Variants in PTBP2 observed in about 807,000 individuals in gnomAD.
PTBP2 encodes the protein polypyrimidine tract binding protein 2.
In PTBP2, 13 loss-of-function variants were observed where a neutral mutation model predicts 61.4. The observed-to-expected ratio is 0.21, with a 90% CI of 0.14 to 0.34. PTBP2 has a LOEUF of 0.34. Ranked by LOEUF, PTBP2 falls within the 10% of genes least tolerant of loss-of-function variation. PTBP2 has a pLI of 1.00. For synonymous variants in PTBP2, 215 were observed against 218.5 expected, an observed-to-expected ratio of 0.98 and a Z score of 0.14; for missense variants, 405 against 642.6, an observed-to-expected ratio of 0.63 and a Z score of 4.00.
At chr1:96,765,030 C>G (rs1358336468) in intron 3 of PTBP2, among the ~76,000 whole-genome samples, 2 of 152,190 alleles carry the variant, frequency 1.3e-5, no homozygotes, top group Non-Finnish European at 2.9e-5. Context: ...CTATCTGCAC[C>G]TACCTGCTTT....
intron 3 of PTBP2, among the ~76,000 whole-genome samples, chr1:96,759,374 T>G (rs1051760195): frequency 2.3e-4 from 35 of 152,242 alleles, no homozygotes; most frequent in African/African-American, 8.2e-4. Context: ...CAAAACAGTT[T>G]ACTACTAGCA....
At chr1:96,780,669 C>A (rs897329539) in intron 7 of PTBP2, among the ~76,000 whole-genome samples, 3 of 150,844 alleles carry the variant, frequency 2.0e-5, no homozygotes, top group Non-Finnish European at 4.4e-5. Flanking sequence ...AACTCCCCTT[C>A]TACCTGGGAG....
chr1:96,769,969 T>C, intron 4 of PTBP2, 94 bp downstream of exon 4: 1 of 1,046,154 alleles, frequency 9.6e-7, no homozygotes, highest in Non-Finnish European at 1.3e-6. Flanking sequence ...AGGTTATTTT[T>C]CTTAAAGAAC....
chr1:96,734,019 A>G (rs1245516787), intron 2 of PTBP2, among the ~76,000 whole-genome samples: 1 of 152,202 alleles, frequency 6.6e-6, no homozygotes, highest in Admixed American at 6.5e-5. Context: ...ATTTAGTTCT[A>G]GGCATACTAC....
At chr1:96,775,985 G>A (rs1657992100) in intron 5 of PTBP2, among the ~76,000 whole-genome samples, 1 of 151,992 alleles carries the variant, frequency 6.6e-6, no homozygotes, top group South Asian at 2.1e-4. Flanking sequence ...GCTTGTAGAT[G>A]TAGCTAGTAT....
intron 3 of PTBP2, among the ~76,000 whole-genome samples, chr1:96,758,644 A>C (rs553917787): frequency 4.6e-5 from 7 of 152,260 alleles, no homozygotes; most frequent in Non-Finnish European, 1.0e-4. Flanking sequence ...TTCTCTCAGA[A>C]AACTAGGAAG....
intron 2 of PTBP2, chr1:96,749,491 T>A (rs1177532650): frequency 5.2e-5 from 17 of 328,228 alleles, no homozygotes; most frequent in South Asian, 3.7e-4. Flanking sequence ...AGTAAAACTT[T>A]AAGCATCACT....
chr1:96,812,899 T>C lies in PTBP2; in HGVS notation c.1359T>C (p.Pro453=). 6.2e-7 allele frequency: 1 copy of C among 1,613,668 alleles called. No homozygotes were observed. Among genetic ancestry groups the C allele is most frequent in the Non-Finnish European group, 8.5e-7 (1 of 1,179,632 alleles). ...AAAATTTTCAAAACATTTTTCCTCC[T>C]TCTGCCACCCTTCACCTATCTAATA... ...GSKNFQNIFP[P]SATLHLSNIP... The change falls in exon 12 of 14, where the codon CCT becomes CCC. Residue 453 remains proline (P), a synonymous_variant. Transcript: ENST00000674951.
chr1:96,745,360 C>CA (rs1483394212), intron 2 of PTBP2, among the ~76,000 whole-genome samples: 4 of 152,202 alleles, frequency 2.6e-5, no homozygotes, highest in Non-Finnish European at 5.9e-5. Flanking sequence ...GACGGGGTTT[C>CA]ACCCTGTTAG....
At chr1:96,791,922 C>T (rs1659882745) in intron 8 of PTBP2, among the ~76,000 whole-genome samples, 3 of 148,170 alleles carry the variant, frequency 2.0e-5, no homozygotes. Context: ...CAAGCTCCGC[C>T]TCCTGGGTTC....
At chr1:96,769,911 C>G (rs1471239563) in intron 4 of PTBP2, 36 bp downstream of exon 4, 1 of 1,470,978 alleles carries the variant, frequency 6.8e-7, no homozygotes, top group Non-Finnish European at 9.1e-7. Flanking sequence ...ATGTTAAACC[C>G]CAAACTATCC....
chr1:96,803,693 C>G (rs2101185631), intron 8 of PTBP2, among the ~76,000 whole-genome samples: 1 of 152,116 alleles, frequency 6.6e-6, no homozygotes, highest in South Asian at 2.1e-4. Flanking sequence ...AGTAAGATCT[C>G]TAAAACCAAA....
chr1:96,785,832 T>G (rs1375131331), intron 8 of PTBP2, among the ~76,000 whole-genome samples: 1 of 152,214 alleles, frequency 6.6e-6, no homozygotes, highest in African/African-American at 2.4e-5. Flanking sequence ...CATTTATATT[T>G]TACTTTGTAC....
chr1:96,744,652 T>C (rs936813720), intron 2 of PTBP2, among the ~76,000 whole-genome samples: 2 of 152,174 alleles, frequency 1.3e-5, no homozygotes, highest in African/African-American at 4.8e-5. Flanking sequence ...TTATCTTTCT[T>C]GTAGGTGATA....
intron 2 of PTBP2, among the ~76,000 whole-genome samples, chr1:96,737,430 G>A (rs1279943570): frequency 6.6e-6 from 1 of 152,054 alleles, no homozygotes; most frequent in African/African-American, 2.4e-5. Context: ...AATAATTGGG[G>A]AGGGGGGTTG....
chr1:96,737,065 T>C (rs576432053), intron 2 of PTBP2, among the ~76,000 whole-genome samples: 3 of 151,834 alleles, frequency 2.0e-5, no homozygotes, highest in South Asian at 2.1e-4. Flanking sequence ...CTGCAAGCTC[T>C]GCCTCCTGGG....
In PTBP2 at chr1:96,813,069, A is replaced by G; in HGVS notation, c.1429A>G (p.Asn477Asp). Residue 477 changes from asparagine (N) to aspartate (D), a missense_variant, in exon 13 of 14, where the codon AAC becomes GAC. Asn to Asp is a conservative substitution (Grantham distance 23, BLOSUM62 1). This residue lies in a region of PTBP2 where 24 missense variants were observed against 27.7 expected (regional missense o/e 0.87). Transcript: ENST00000674951. ...AGAGGATCTACGAACACTGTTCGCT[A>G]ACACTGGGGGCACTGTGAAAGCATT... ...AEEDLRTLFA[N>D]TGGTVKAFKF... The G allele has an allele frequency of 6.2e-7, 1 of 1,613,456 alleles. No individual in the cohort carries two copies. Among genetic ancestry groups the G allele is most frequent in the Non-Finnish European group, 8.5e-7 (1 of 1,179,540 alleles).
At chr1:96,733,338 A>G (rs746014370) in intron 2 of PTBP2, among the ~76,000 whole-genome samples, 2 of 152,166 alleles carry the variant, frequency 1.3e-5, no homozygotes, top group African/African-American at 2.4e-5. Flanking sequence ...AAATGTTTAA[A>G]TTACAAATTA....
exon 14 of PTBP2, chr1:96,823,216 C>T (rs539273254): frequency 6.6e-6 from 1 of 152,492 alleles, no homozygotes; most frequent in East Asian, 1.9e-4. Flanking sequence ...CTGCCTCAGC[C>T]TTCTAAAGTG....
Sources: allele counts gnomAD v4.1 joint callset (sites outside exome capture counted in the v4.1 genomes callset), GRCh38; gene constraint gnomAD v4.1.1; regional missense constraint gnomAD v4.1.1; transcripts MANE v1.5; gene names NCBI Gene and HGNC (gene_info 2026-07-23, HGNC 2026-07-21).